FRMD6: variants seen among roughly 807,000 people sequenced by gnomAD.
FRMD6 encodes FERM domain containing 6, also known as FERM domain-containing protein 6.
A neutral mutation model predicts 73.2 loss-of-function variants in FRMD6; 37 were observed. That is an observed-to-expected ratio of 0.51 (90% CI 0.39 to 0.66). The LOEUF is 0.66. Ranked by LOEUF, FRMD6 falls within the 30% of genes least tolerant of loss-of-function variation. FRMD6 has a pLI of 0.00. For synonymous variants in FRMD6, 273 were observed against 282.2 expected (o/e 0.97, Z 0.33); for missense variants, 714 against 780.5 (o/e 0.91, Z 1.02).
chr14:51,695,046 A>G (rs937404417), intron 2 of FRMD6, among the ~76,000 whole-genome samples: 3 of 151,796 alleles, frequency 2.0e-5, no homozygotes, highest in Admixed American at 6.6e-5. Flanking sequence ...GCATGGAGGA[A>G]ATATATAACG....
rs373340052 is a variant in FRMD6, at chr14:51,552,108, T to C, written c.-209-18240T>C. On this transcript the variant is annotated intron_variant, in intron 1 of 14. Transcript: ENST00000356218. ...AAAACATATCCTAATGTAATTTTTG[T>C]GTAAATTTTGAGCTTTCAATGTTGG... 2.0e-4 allele frequency among the ~76,000 whole-genome samples: 30 copies of C among 152,348 alleles called. No individual in the cohort carries two copies. The East Asian group carries it at 3.7e-3, about 19-fold the overall frequency.
At chr14:51,483,892 G>A in the FRMD6 span, among the ~76,000 whole-genome samples, 93 of 152,162 alleles carry the variant, frequency 6.1e-4, 1 homozygote, top group Middle Eastern at 3.4e-3. Flanking sequence ...GTAATTATTC[G>A]TCATATCTAT....
intron 1 of FRMD6, among the ~76,000 whole-genome samples, chr14:51,531,460 C>T (rs1885579466): frequency 6.6e-6 from 1 of 152,080 alleles, no homozygotes; most frequent in Admixed American, 6.6e-5. Context: ...TTATCACAGC[C>T]ACAAGGAGAA....
intron 2 of FRMD6, among the ~76,000 whole-genome samples, chr14:51,639,378 C>T (rs1400827257): frequency 6.6e-6 from 1 of 151,450 alleles, no homozygotes; most frequent in Non-Finnish European, 1.5e-5. Context: ...GAGCTTGCAG[C>T]GAGCTGAGAT....
At chr14:51,622,526 G>A (rs144487840) in intron 2 of FRMD6, among the ~76,000 whole-genome samples, 73 of 152,232 alleles carry the variant, frequency 4.8e-4, no homozygotes, top group African/African-American at 1.7e-3. Flanking sequence ...GAAGAAAAAG[G>A]TTCATTGTAT....
At chr14:51,604,509 G>A (rs1890167025) in intron 2 of FRMD6, among the ~76,000 whole-genome samples, 2 of 152,200 alleles carry the variant, frequency 1.3e-5, no homozygotes, top group African/African-American at 4.8e-5. Context: ...AAATCTTCAT[G>A]TTTTGCAGAA....
At chr14:51,651,870 A>G (rs1324858989), upstream of FRMD6, 1 of 144,160 alleles carries the variant, frequency 6.9e-6, no homozygotes. Flanking sequence ...GGCGGGGCGG[A>G]CGCGGAGCGC....
intron 1 of FRMD6, among the ~76,000 whole-genome samples, chr14:51,531,076 T>C (rs1566796356): frequency 6.6e-6 from 1 of 152,192 alleles, no homozygotes; most frequent in Non-Finnish European, 1.5e-5. Context: ...TCAAGCCCTT[T>C]CATAATAGGC....
the FRMD6 span, among the ~76,000 whole-genome samples, chr14:51,422,920 A>G: frequency 6.6e-6 from 1 of 152,176 alleles, no homozygotes; most frequent in Non-Finnish European, 1.5e-5. Flanking sequence ...GTTTGCCTTG[A>G]CCAATGAGAT....
At chr14:51,405,332 G>T in the FRMD6 span, among the ~76,000 whole-genome samples, 7 of 152,098 alleles carry the variant, frequency 4.6e-5, no homozygotes, top group East Asian at 9.7e-4. Context: ...TTTGTTTTTT[G>T]CCCTTTAAGG....
chr14:51,559,970 CTTAAT>C (rs893198089), intron 1 of FRMD6, among the ~76,000 whole-genome samples: 3 of 152,116 alleles, frequency 2.0e-5, no homozygotes, highest in Non-Finnish European at 4.4e-5. Context: ...TAAATACTAA[CTTAAT>C]TTATTAATTT....
chr14:51,569,068 A>T (rs867127781), intron 1 of FRMD6, among the ~76,000 whole-genome samples: 1 of 151,666 alleles, frequency 6.6e-6, no homozygotes, highest in East Asian at 1.9e-4. Flanking sequence ...CTGGTCTCGA[A>T]CTCCTGACCT....
At chr14:51,635,373 A>G (rs1891513083) in intron 2 of FRMD6, among the ~76,000 whole-genome samples, 1 of 152,212 alleles carries the variant, frequency 6.6e-6, no homozygotes. Context: ...GCACTCCAGC[A>G]GGACCCTATC....
chr14:51,446,902 G>T, the FRMD6 span, among the ~76,000 whole-genome samples: 1 of 152,164 alleles, frequency 6.6e-6, no homozygotes, highest in Non-Finnish European at 1.5e-5. Flanking sequence ...CCATCATGAC[G>T]ACCTAGGCTG....
intron 1 of FRMD6, among the ~76,000 whole-genome samples, chr14:51,569,468 T>C (rs776851553): frequency 5.9e-5 from 9 of 152,054 alleles, no homozygotes; most frequent in African/African-American, 9.7e-5. Flanking sequence ...TATTGTCACT[T>C]TCTATTTAAT....
chr14:51,442,642 A>G, the FRMD6 span, among the ~76,000 whole-genome samples: 1 of 152,166 alleles, frequency 6.6e-6, no homozygotes, highest in South Asian at 2.1e-4. Context: ...CAGGGCAGAA[A>G]CTATGCCTTT....
At chr14:51,616,917 T>A (rs1027644006) in intron 2 of FRMD6, among the ~76,000 whole-genome samples, 2 of 152,216 alleles carry the variant, frequency 1.3e-5, no homozygotes, top group African/African-American at 4.8e-5. Context: ...TTACTATGAA[T>A]ACGTGTGACA....
chr14:51,397,959 C>T, the FRMD6 span, among the ~76,000 whole-genome samples: 1 of 152,082 alleles, frequency 6.6e-6, no homozygotes. Flanking sequence ...TGAAACACTT[C>T]TGGTCCCAAG....
intron 1 of FRMD6, among the ~76,000 whole-genome samples, chr14:51,550,039 T>C (rs1886723357): frequency 6.6e-6 from 1 of 152,206 alleles, no homozygotes; most frequent in South Asian, 2.1e-4. Context: ...GCCACAGTTG[T>C]ATAGCCTTAA....
Sources: gnomAD v4.1 joint callset for allele counts (sites outside exome capture counted in the v4.1 genomes callset) on GRCh38, gnomAD v4.1.1 for gene constraint, MANE v1.5 for transcripts, NCBI Gene and HGNC (gene_info 2026-07-23, HGNC 2026-07-21) for gene names.